The following ABCA8 variants were observed in gnomAD, a reference collection of about 807,000 sequenced individuals.
ABCA8 encodes ABC-type organic anion transporter ABCA8.
In ABCA8, 177 loss-of-function variants were observed where a neutral mutation model predicts 192.3. That is an observed-to-expected ratio of 0.92 (90% CI 0.81 to 1.04). ABCA8 has a LOEUF of 1.04. Among genes scored for constraint, ABCA8 ranks in the 50% least tolerant of loss-of-function variants. ABCA8 has a pLI of 0.00. For synonymous variants in ABCA8, 642 were observed against 690.2 expected (o/e 0.93, Z 1.09); for missense variants, 1,915 against 1,904.8 (o/e 1.01, Z -0.10).
chr17:68,946,099 A>G (rs911268180), intron 2 of ABCA8, among the ~76,000 whole-genome samples: 3 of 151,790 alleles, frequency 2.0e-5, no homozygotes, highest in African/African-American at 7.3e-5. Flanking sequence ...ATGGAGTCTC[A>G]CTGTGTGGCC....
chr17:68,884,429 G>C, intron 27 of ABCA8, 33 bp from the exon 28 acceptor site: 11 of 1,549,352 alleles, frequency 7.1e-6, no homozygotes, highest in Non-Finnish European at 9.5e-6. Context: ...TAAACAGGGA[G>C]TTTTTTGTTT....
In ABCA8 at chr17:68,887,047, A is replaced by G. The variant is rs369512417; in HGVS notation, c.3399T>C (p.Asn1133=). The stretch of plus-strand genomic sequence containing the variant: ...AGAAACAAAATGACCAAATGCCACT[A>G]TTTTTTCTCCCCTTGCGAAAGATGA... ...ISFIFRKGRK[N]SGIWSFCFYV... Residue 1133 remains asparagine, a synonymous_variant, in exon 26 of 40, where the codon AAT becomes AAC. Transcript: ENST00000586539. The G allele has an allele frequency of 1.2e-5, 20 of 1,611,886 alleles. No homozygotes were observed. The highest frequency in any genetic ancestry group is 2.7e-5 in the African/African-American group (2 of 74,856).
intron 27 of ABCA8, chr17:68,884,926 G>A (rs2066422080): frequency 1.2e-6 from 1 of 844,694 alleles, no homozygotes; most frequent in Non-Finnish European, 1.4e-6. Context: ...TATCAAGGAG[G>A]AAATAAGGCC....
chr17:68,873,668 G>C (rs1292326121), intron 37 of ABCA8, among the ~76,000 whole-genome samples: 1 of 152,138 alleles, frequency 6.6e-6, no homozygotes, highest in Non-Finnish European at 1.5e-5. Context: ...TCTTCTAGGA[G>C]TTCAACAATT....
chr17:68,921,376 T>C lies in ABCA8; in HGVS notation c.1612+6A>G, dbSNP rs1225899902. 1 of 1,595,074 alleles carries C rather than the reference T, an allele frequency of 6.3e-7. No individual in the cohort carries two copies. On this transcript the variant is annotated splice_donor_region_variant and intron_variant, in intron 13 of 39. Coordinates refer to ENST00000586539, the MANE Select transcript of ABCA8 (RefSeq NM_001288985.2). ...TTAAAAAAAAAGAAAACAAACTAGT[T>C]TGTACCTTTGGTGGGAACAGACAAC... is the stretch of plus-strand genomic sequence containing the variant.
At chr17:68,942,253 G>C (rs920065506) in intron 2 of ABCA8, among the ~76,000 whole-genome samples, 1 of 152,024 alleles carries the variant, frequency 6.6e-6, no homozygotes, top group Non-Finnish European at 1.5e-5. Flanking sequence ...GTGATGCCCT[G>C]TGCCTGTTAT....
chr17:68,881,772 C>T, intron 31 of ABCA8, 91 bp downstream of exon 31: 1 of 852,882 alleles, frequency 1.2e-6, no homozygotes, highest in South Asian at 1.6e-5. Context: ...TGCATGTGAA[C>T]CAAGAGGTGG....
At chr17:68,898,923 C>CCAATA (rs1272404355) in intron 21 of ABCA8, among the ~76,000 whole-genome samples, 2 of 151,954 alleles carry the variant, frequency 1.3e-5, no homozygotes, top group Non-Finnish European at 2.9e-5. Flanking sequence ...ACAATTATTA[C>CCAATA]TCAGTATGAT....
intron 21 of ABCA8, among the ~76,000 whole-genome samples, chr17:68,901,755 C>T (rs1211953522): frequency 1.3e-5 from 2 of 150,566 alleles, no homozygotes; most frequent in Admixed American, 6.6e-5. Flanking sequence ...TTGCAGTGAG[C>T]CGAAATTGTG....
At chr17:68,943,508 G>A (rs1398713113) in intron 2 of ABCA8, among the ~76,000 whole-genome samples, 1 of 152,092 alleles carries the variant, frequency 6.6e-6, no homozygotes, top group Non-Finnish European at 1.5e-5. Flanking sequence ...CACTTACAAT[G>A]CATAAATTCT....
chr17:68,948,477 T>A (rs1365210980), intron 2 of ABCA8, among the ~76,000 whole-genome samples: 1 of 152,256 alleles, frequency 6.6e-6, no homozygotes, highest in African/African-American at 2.4e-5. Flanking sequence ...GGTTTTGATT[T>A]GCATTTCTCT....
intron 4 of ABCA8, among the ~76,000 whole-genome samples, chr17:68,937,420 C>A (rs1225134202): frequency 6.6e-6 from 1 of 152,008 alleles, no homozygotes; most frequent in Non-Finnish European, 1.5e-5. Context: ...AGTTATCATT[C>A]CTATAAATTT....
At chr17:68,929,356 GTA>G (rs2067794624) in intron 8 of ABCA8, 122 bp from the exon 9 acceptor site, 2 of 1,055,708 alleles carry the variant, frequency 1.9e-6, no homozygotes. Context: ...TAGTTATTTT[GTA>G]TATAACATAC....
intron 18 of ABCA8, 57 bp downstream of exon 18, chr17:68,907,683 T>G (rs888264923): frequency 7.1e-7 from 1 of 1,412,366 alleles, no homozygotes; most frequent in Non-Finnish European, 9.5e-7. Context: ...TGATAATAAT[T>G]ATGATGATGA....
At chr17:68,887,921 T>TA (rs2066522293) in intron 24 of ABCA8, among the ~76,000 whole-genome samples, 4 of 25,874 alleles carry the variant, frequency 1.5e-4, no homozygotes, top group South Asian at 1.7e-3. Context: ...TATATATATA[T>TA]ATATTATATA....
chr17:68,933,453 C>A (rs982172465), intron 5 of ABCA8, among the ~76,000 whole-genome samples, 182 bp from the exon 6 acceptor site: 1 of 152,098 alleles, frequency 6.6e-6, no homozygotes, highest in African/African-American at 2.4e-5. Flanking sequence ...ATGAATCAGG[C>A]AGAATCATGA....
At chr17:68,917,905 C>T in intron 16 of ABCA8, 142 bp downstream of exon 16, 1 of 1,000,086 alleles carries the variant, frequency 1.0e-6, no homozygotes, top group Non-Finnish European at 1.4e-6. Flanking sequence ...GCTTTGCGTC[C>T]AGTTCAAATT....
intron 19 of ABCA8, among the ~76,000 whole-genome samples, chr17:68,905,392 G>A (rs1335635623): frequency 6.6e-6 from 1 of 152,098 alleles, no homozygotes; most frequent in Non-Finnish European, 1.5e-5. Context: ...TATGTTACAA[G>A]ATCTACTGGA....
At chr17:68,883,715 A>T in intron 29 of ABCA8, 76 bp downstream of exon 29, 1 of 960,408 alleles carries the variant, frequency 1.0e-6, no homozygotes, top group Non-Finnish European at 1.6e-6. Flanking sequence ...CCTCTTTGTT[A>T]ATGAATTGAT....
Sources: gnomAD v4.1 joint callset for allele counts (sites outside exome capture counted in the v4.1 genomes callset) on GRCh38, gnomAD v4.1.1 for gene constraint, MANE v1.5 for transcripts, NCBI Gene and HGNC (gene_info 2026-07-23, HGNC 2026-07-21) for gene names.